Variants in NR3C2 observed in about 807,000 individuals in gnomAD.
NR3C2 encodes nuclear receptor subfamily 3 group C member 2, also known as mineralocorticoid receptor.
Under a neutral mutation model 86.4 loss-of-function variants are expected in NR3C2, and 15 were observed. The ratio of observed to expected loss-of-function variants is 0.17; its 90% CI spans 0.12 to 0.27. The LOEUF (loss-of-function observed/expected upper bound fraction) is 0.27. Ranked by LOEUF, NR3C2 falls within the 10% of genes least tolerant of loss-of-function variation. The pLI, the probability that NR3C2 is intolerant of heterozygous loss-of-function variation, is 1.00. For missense variants in NR3C2, 960 were observed against 1,195.6 expected (o/e 0.80, Z 2.91); for synonymous variants, 458 against 450.5 (o/e 1.02, Z -0.21).
At chr4:148,394,909 T>C (rs1163412866) in intron 2 of NR3C2, among the ~76,000 whole-genome samples, 1 of 152,160 alleles carries the variant, frequency 6.6e-6, no homozygotes, top group Non-Finnish European at 1.5e-5. Flanking sequence ...GGTTTCTACC[T>C]ATGATAAAGG....
At chr4:148,152,692 C>T (rs1011637492) in intron 5 of NR3C2, 79 bp from the exon 6 acceptor site, 2 of 1,363,470 alleles carry the variant, frequency 1.5e-6, no homozygotes, top group African/African-American at 1.4e-5. Flanking sequence ...TAAGTCAACC[C>T]CAAACAGCCA....
At chr4:148,353,658 A>C (rs543736851) in intron 2 of NR3C2, among the ~76,000 whole-genome samples, 1 of 152,232 alleles carries the variant, frequency 6.6e-6, no homozygotes, top group Non-Finnish European at 1.5e-5. Flanking sequence ...AGAGTAGAAA[A>C]CCATATTTTT....
intron 2 of NR3C2, among the ~76,000 whole-genome samples, chr4:148,342,105 C>A (rs1744775286): frequency 6.6e-6 from 1 of 152,088 alleles, no homozygotes; most frequent in Non-Finnish European, 1.5e-5. Flanking sequence ...TGAAGACAGT[C>A]CCACTGATAA....
chr4:148,413,801 C>T (rs1202667140), intron 2 of NR3C2, among the ~76,000 whole-genome samples: 2 of 152,092 alleles, frequency 1.3e-5, no homozygotes, highest in Non-Finnish European at 2.9e-5. Context: ...CAATACAAAG[C>T]GTAAGCAAGG....
intron 4 of NR3C2, among the ~76,000 whole-genome samples, chr4:148,177,764 G>A (rs989483253): frequency 6.6e-6 from 1 of 152,112 alleles, no homozygotes; most frequent in African/African-American, 2.4e-5. Flanking sequence ...ATGCTTGGTT[G>A]TAAGTGGTCT....
chr4:148,427,945 C>T lies in NR3C2; in HGVS notation c.1757+7159G>A, dbSNP rs184339337. ...CAAAACAAAAAACAATGACGCCATG[C>T]TGATATACATAAATATCTGAATAAA... is the stretch of plus-strand genomic sequence containing the variant. On this transcript the variant is annotated intron_variant, in intron 2 of 8. Transcript: ENST00000358102. Among the ~76,000 whole-genome samples, 574 of 152,278 alleles carry T rather than the reference C, an allele frequency of 3.8e-3. 4 individuals carry two copies. The highest frequency in any genetic ancestry group is 0.013 in the African/African-American group (535 of 41,554).
chr4:148,259,376 T>C (rs1739982984), intron 3 of NR3C2, among the ~76,000 whole-genome samples: 1 of 151,934 alleles, frequency 6.6e-6, no homozygotes, highest in African/African-American at 2.4e-5. Flanking sequence ...CCTTAAGGAG[T>C]ACGATTTTGG....
At chr4:148,102,853 C>T (rs1475451198) in intron 8 of NR3C2, among the ~76,000 whole-genome samples, 1 of 152,168 alleles carries the variant, frequency 6.6e-6, no homozygotes, top group Non-Finnish European at 1.5e-5. Flanking sequence ...TTCCATTTTA[C>T]TTAATTTAAA....
intron 8 of NR3C2, among the ~76,000 whole-genome samples, chr4:148,088,967 T>C (rs2149708079): frequency 6.6e-6 from 1 of 152,296 alleles, no homozygotes; most frequent in South Asian, 2.1e-4. Context: ...GAAAAATGAT[T>C]TTTGGTCATT....
intron 3 of NR3C2, among the ~76,000 whole-genome samples, chr4:148,235,236 T>C (rs887735935): frequency 6.7e-5 from 10 of 149,834 alleles, no homozygotes; most frequent in African/African-American, 2.4e-4. Flanking sequence ...CTTTTAATAA[T>C]AGTATTTAAA....
At chr4:148,299,441 C>T (rs901267764) in intron 2 of NR3C2, among the ~76,000 whole-genome samples, 13 of 152,078 alleles carry the variant, frequency 8.5e-5, no homozygotes, top group African/African-American at 2.4e-4. Context: ...CTTCTCTTTT[C>T]GGGACTGTAA....
At chr4:148,271,371 T>A (rs138183007) in intron 2 of NR3C2, among the ~76,000 whole-genome samples, 5 of 152,260 alleles carry the variant, frequency 3.3e-5, no homozygotes, top group Non-Finnish European at 7.4e-5. Flanking sequence ...TTTCTTTGGG[T>A]CTTTGTTTTT....
At chr4:148,089,763 G>A (rs1730978694) in intron 8 of NR3C2, among the ~76,000 whole-genome samples, 1 of 152,194 alleles carries the variant, frequency 6.6e-6, no homozygotes, top group Non-Finnish European at 1.5e-5. Context: ...TACACTGGGT[G>A]TGGCACTCCA....
intron 2 of NR3C2, among the ~76,000 whole-genome samples, chr4:148,396,623 T>G (rs767327444): frequency 1.3e-5 from 2 of 152,228 alleles, no homozygotes; most frequent in Non-Finnish European, 2.9e-5. Context: ...GGGATGTTTT[T>G]CAACCTGAAT....
chr4:148,344,438 T>C (rs1240220290), intron 2 of NR3C2, among the ~76,000 whole-genome samples: 1 of 152,150 alleles, frequency 6.6e-6, no homozygotes, highest in Non-Finnish European at 1.5e-5. Context: ...GGGAGCTACA[T>C]AAACTTGGCA....
chr4:148,427,292 T>C (rs1749590631), intron 2 of NR3C2, among the ~76,000 whole-genome samples: 1 of 152,096 alleles, frequency 6.6e-6, no homozygotes, highest in Non-Finnish European at 1.5e-5. Context: ...GTTAAGCTCA[T>C]AACATGATGT....
chr4:148,204,956 A>T (rs1282149434), intron 3 of NR3C2, among the ~76,000 whole-genome samples: 9 of 152,224 alleles, frequency 5.9e-5, no homozygotes, highest in Non-Finnish European at 1.3e-4. Flanking sequence ...GTTCTCAGTG[A>T]TCAGATTTTT....
chr4:148,108,558 G>C (rs1731908177), intron 8 of NR3C2, among the ~76,000 whole-genome samples: 2 of 152,194 alleles, frequency 1.3e-5, no homozygotes, highest in African/African-American at 4.8e-5. Flanking sequence ...CCTGGCTAGA[G>C]AAGAGCCACG....
Position 148,081,276 on chromosome 4 carries a change from C to T in NR3C2, c.*68G>A. 1.2e-6 allele frequency: 2 copies of T among 1,602,024 alleles called. No individual in the cohort carries two copies. Among genetic ancestry groups the T allele is most frequent in the East Asian group, 2.2e-5 (1 of 44,820 alleles). ...CCATCACATGTTAAAAACAGGTTTT[C>T]TTGGGTCCTTCTGGGTGTGGAACAA... On this transcript the variant is annotated 3_prime_UTR_variant, in exon 9 of 9. Coordinates refer to ENST00000358102, the MANE Select transcript of NR3C2 (RefSeq NM_000901.5).
Sources: gnomAD v4.1 joint callset for allele counts (sites outside exome capture counted in the v4.1 genomes callset) on GRCh38, gnomAD v4.1.1 for gene constraint, MANE v1.5 for transcripts, NCBI Gene and HGNC (gene_info 2026-07-23, HGNC 2026-07-21) for gene names.